The following CHD7 variants were observed in gnomAD, a reference collection of about 807,000 sequenced individuals.
CHD7 encodes the protein ATP-dependent chromatin remodeler CHD7.
CHD7 carries 24 observed loss-of-function variants against 307.3 expected under a neutral mutation model. The observed-to-expected ratio is 0.08, with a 90% confidence interval of 0.06 to 0.11. The LOEUF (loss-of-function observed/expected upper bound fraction) is 0.11. Among genes scored for constraint, CHD7 ranks in the 10% least tolerant of loss-of-function variants. CHD7 has a pLI of 1.00. For synonymous variants in CHD7, 1,363 were observed against 1,349.9 expected, an observed-to-expected ratio of 1.01 and a Z score of -0.21; for missense variants, 3,106 against 3,727.1, an observed-to-expected ratio of 0.83 and a Z score of 4.34.
chr8:60,735,961 A>T (rs1247091038), intron 1 of CHD7, among the ~76,000 whole-genome samples: 3 of 152,220 alleles, frequency 2.0e-5, no homozygotes, highest in African/African-American at 7.2e-5. Context: ...AAATAACAAC[A>T]TGTGGCTGGT....
intron 1 of CHD7, among the ~76,000 whole-genome samples, chr8:60,694,309 A>G (rs16926399): frequency 0.024 from 3,615 of 152,276 alleles, 148 homozygotes; most frequent in African/African-American, 0.082. Flanking sequence ...ATGTTTGTGA[A>G]GGTGTGCAGA....
Position 60,865,340 on chromosome 8 carries a change from C to G in CHD7, c.8401C>G (p.Pro2801Ala). The change falls in exon 38 of 38, where the codon CCA becomes GCA. Residue 2801 changes from proline (P) to alanine (A), a missense_variant. Physicochemically the swap from Pro to Ala is conservative, Grantham distance 27 (BLOSUM62 -1). Transcript: ENST00000423902. This position sits in a 1 kb window ranked among gnomAD's most constrained non-coding sequence, Gnocchi z 4.3. ...NPAAVLPLML[P>A]GMAGLPNVFG... ...TGCTGCTGTGCTGCCCCTGATGCTG[C>G]CAGGAATGGCGGGCCTGCCCAACGT... is the stretch of plus-strand genomic sequence containing the variant. 6.2e-7 allele frequency: 1 copy of G among 1,612,578 alleles called. No homozygotes were observed. The highest frequency in any genetic ancestry group is 8.5e-7 in the Non-Finnish European group (1 of 1,179,450).
At chr8:60,825,827 T>C (rs1190768751) in intron 13 of CHD7, among the ~76,000 whole-genome samples, 22 of 152,130 alleles carry the variant, frequency 1.4e-4, no homozygotes. Flanking sequence ...GATCAAACAA[T>C]CTGATTGTCA....
intron 1 of CHD7, among the ~76,000 whole-genome samples, chr8:60,687,777 G>T (rs1805985363): frequency 6.6e-6 from 1 of 152,164 alleles, no homozygotes; most frequent in Non-Finnish European, 1.5e-5. Flanking sequence ...TTTTACAGAT[G>T]AGGAGACTAA....
chr8:60,720,780 T>C (rs1807860092), intron 1 of CHD7, among the ~76,000 whole-genome samples: 1 of 152,174 alleles, frequency 6.6e-6, no homozygotes, highest in South Asian at 2.1e-4. Context: ...TCCTTTCCTC[T>C]AATGGGGGTA....
intron 7 of CHD7, among the ~76,000 whole-genome samples, chr8:60,816,095 TTGTC>T (rs749460189): frequency 2.8e-5 from 4 of 140,492 alleles, no homozygotes; most frequent in South Asian, 2.4e-4. Context: ...TCTGTCTCTT[TTGTC>T]TGTCTGTCTG....
chr8:60,685,918 A>C (rs1805862590), intron 1 of CHD7, among the ~76,000 whole-genome samples: 3 of 152,216 alleles, frequency 2.0e-5, no homozygotes, highest in Admixed American at 1.3e-4. Context: ...TTTGCCAGCT[A>C]ATATGGGTGA....
At chr8:60,769,498 A>G (rs1292418735) in intron 2 of CHD7, among the ~76,000 whole-genome samples, 1 of 152,200 alleles carries the variant, frequency 6.6e-6, no homozygotes. Context: ...TAGTTAGCTA[A>G]TCAACCATTT....
chr8:60,800,272 T>G, intron 4 of CHD7, 116 bp from the exon 5 acceptor site: 1 of 905,174 alleles, frequency 1.1e-6, no homozygotes, highest in Non-Finnish European at 1.6e-6. Context: ...GACCTTGTGA[T>G]CCGCCCGCCT....
At chr8:60,749,603 T>TA (rs34506970) in intron 2 of CHD7, among the ~76,000 whole-genome samples, 78,461 of 151,084 alleles carry the variant, frequency 0.52, 24,568 homozygotes, top group East Asian at 0.78. Flanking sequence ...AAAATGTCTC[T>TA]AAAAAAAAAT....
chr8:60,733,830 ATG>A (rs1022720072), intron 1 of CHD7, among the ~76,000 whole-genome samples: 2 of 152,146 alleles, frequency 1.3e-5, no homozygotes, highest in Non-Finnish European at 2.9e-5. Flanking sequence ...CTTCAAAGTT[ATG>A]TAGAAATAAC....
At chr8:60,683,716 T>G (rs937354239) in intron 1 of CHD7, among the ~76,000 whole-genome samples, 2 of 152,184 alleles carry the variant, frequency 1.3e-5, no homozygotes, top group Non-Finnish European at 2.9e-5. Context: ...CAGTTACAGT[T>G]GTGTTCCTGG....
intron 1 of CHD7, among the ~76,000 whole-genome samples, chr8:60,712,458 C>G (rs560966743): frequency 2.6e-5 from 4 of 152,166 alleles, no homozygotes; most frequent in Non-Finnish European, 5.9e-5. Flanking sequence ...AAAGTAGACA[C>G]GAGCAGAATC....
chr8:60,852,932 C>T lies in CHD7; in HGVS notation c.6207C>T (p.Leu2069=), dbSNP rs755379819. The change falls in exon 31 of 38, where the codon CTC becomes CTT. Residue 2069 remains leucine, a synonymous_variant. Coordinates refer to ENST00000423902, the MANE Select transcript of CHD7 (RefSeq NM_017780.4). The part of the protein sequence containing the change: ...ELLRKIREQV[L]HHPQLGERLK... The stretch of plus-strand genomic sequence containing the variant: ...TACGGAAGATCCGCGAGCAGGTTCT[C>T]CATCACCCCCAGCTGGGAGAGAGGC... The T allele has an allele frequency of 3.1e-6, 5 of 1,613,870 alleles. No homozygotes were observed. The highest frequency in any genetic ancestry group is 2.2e-5 in the South Asian group (2 of 91,078).
At chr8:60,854,113 A>AC (rs1402608023) in intron 31 of CHD7, among the ~76,000 whole-genome samples, 1 of 152,162 alleles carries the variant, frequency 6.6e-6, no homozygotes, top group Non-Finnish European at 1.5e-5. Context: ...GTTTACTTGC[A>AC]CGGTGCTAGG....
intron 2 of CHD7, among the ~76,000 whole-genome samples, chr8:60,759,442 T>C (rs1586279607): frequency 6.6e-6 from 1 of 150,736 alleles, no homozygotes; most frequent in African/African-American, 2.4e-5. Flanking sequence ...TCCCGCTCTC[T>C]GTCTCCCTCT....
chr8:60,865,658 A>G lies in CHD7; in HGVS notation c.8719A>G (p.Met2907Val). 3 of 1,608,602 alleles carry G rather than the reference A, an allele frequency of 1.9e-6. No homozygotes were observed. Among genetic ancestry groups the G allele is most frequent in the South Asian group, 1.1e-5 (1 of 90,846 alleles). Residue 2907 changes from methionine to valine, a missense_variant, in exon 38 of 38, where the codon ATG (methionine) becomes GTG (valine). Around this residue, in one of 10 missense-constraint regions of CHD7, gnomAD observed 351 missense variants for 366.2 expected, o/e 0.96. Coordinates refer to ENST00000423902, the MANE Select transcript of CHD7 (RefSeq NM_017780.4). This position sits in a 1 kb window ranked among gnomAD's most constrained non-coding sequence, Gnocchi z 4.3. ...GGCCCCGGGCCTCTTCTACCCATCC[A>G]TGTTTCTACCTCCAGGACTGGGGGG... ...TMAPGLFYPSMFLPPGLGGLT... is the reference protein window; with the variant it reads ...TMAPGLFYPSVFLPPGLGGLT...
chr8:60,741,175 G>A (rs1808980813), intron 1 of CHD7, 84 bp from the exon 2 acceptor site: 1 of 495,020 alleles, frequency 2.0e-6, no homozygotes, highest in East Asian at 3.3e-5. Flanking sequence ...AAATTCAGAT[G>A]TACAAAATAC....
intron 14 of CHD7, among the ~76,000 whole-genome samples, chr8:60,829,910 C>T (rs1390947222): frequency 6.6e-6 from 1 of 152,186 alleles, no homozygotes; most frequent in Admixed American, 6.5e-5. Context: ...GACTAGATTG[C>T]TCCTGGCTCA....
Sources: gnomAD v4.1 joint callset for allele counts (sites outside exome capture counted in the v4.1 genomes callset) on GRCh38, gnomAD v4.1.1 for gene constraint, gnomAD v4.1.1 regional missense constraint, Gnocchi (gnomAD v3.1) non-coding constraint, MANE v1.5 for transcripts, NCBI Gene and HGNC (gene_info 2026-07-23, HGNC 2026-07-21) for gene names.